The following OR7C1 variants were observed in gnomAD, a reference collection of about 807,000 sequenced individuals.
OR7C1 encodes olfactory receptor 7C1.
For missense variants in OR7C1, 324 were observed against 383.3 expected (o/e 0.85, Z 1.29); for synonymous variants, 152 against 160.7 (o/e 0.95, Z 0.41).
chr19:14,801,654 GA>G (rs2044642370), intron 2 of OR7C1, among the ~76,000 whole-genome samples: 1 of 152,150 alleles, frequency 6.6e-6, no homozygotes, highest in Non-Finnish European at 1.5e-5. Context: ...CTGCTGTAAA[GA>G]ACTACCCGAG....
At position 14,828,156 on chromosome 19, in the gene OR7C1, C is replaced by T. The variant is rs749898869; in HGVS notation, c.-623+6918G>A. The T allele has an allele frequency of 3.1e-6, 5 of 1,613,772 alleles. No homozygotes were observed. In the Admixed American group the frequency reaches 8.3e-5, roughly 27 times the overall value. ...GACCAGGTACATGGACAGGAACAGCCCAAAGAGGAAGGGTTGCAGTCCAGG... is the reference window on the plus strand; with the variant it reads ...GACCAGGTACATGGACAGGAACAGCTCAAAGAGGAAGGGTTGCAGTCCAGG... On this transcript the variant is annotated intron_variant, in intron 1 of 4. Coordinates refer to ENST00000641666, the Ensembl canonical transcript of OR7C1.
At chr19:14,825,363 C>T (rs993689685) in intron 1 of OR7C1, 1 of 152,140 alleles carries the variant, frequency 6.6e-6, no homozygotes, top group Non-Finnish European at 1.5e-5. Context: ...TAAGCCTAGA[C>T]ATCTAATGTA....
chr19:14,833,295 A>G (rs1178882666), intron 1 of OR7C1, among the ~76,000 whole-genome samples: 11 of 152,238 alleles, frequency 7.2e-5, no homozygotes, highest in Admixed American at 7.2e-4. Flanking sequence ...CCTGGGCAAT[A>G]TGGCGAAACG....
chr19:14,806,237 A>G (rs2044666208), intron 2 of OR7C1, among the ~76,000 whole-genome samples: 1 of 151,940 alleles, frequency 6.6e-6, no homozygotes, highest in African/African-American at 2.4e-5. Context: ...ATTAAGGAAC[A>G]TTTCAAGAAT....
In OR7C1 at chr19:14,816,098, TAC is replaced by T. The variant is rs532232995; in HGVS notation, c.-622-6107_-622-6106del. ...ACTTGGCCTCCCAAAATGTTGGGAT[TAC>T]AGACATGAGCCGCCATGTTCTGCTG... is the stretch of plus-strand genomic sequence containing the variant. On this transcript the variant is annotated intron_variant, in intron 1 of 4. Transcript: ENST00000641666. Among the ~76,000 whole-genome samples the T allele has an allele frequency of 3.9e-4, 59 of 152,278 alleles. 3 individuals carry two copies. The South Asian group carries it at 0.012, about 32-fold the overall frequency.
At chr19:14,805,406 A>ATTTTT (rs33957500) in intron 2 of OR7C1, among the ~76,000 whole-genome samples, 11 of 98,058 alleles carry the variant, frequency 1.1e-4, no homozygotes, top group African/African-American at 2.5e-4. Context: ...CAGGAAAATA[A>ATTTTT]TTTTTTTTTT....
chr19:14,805,429 T>TA (rs1332979135), intron 2 of OR7C1, among the ~76,000 whole-genome samples: 1 of 146,774 alleles, frequency 6.8e-6, no homozygotes, highest in Non-Finnish European at 1.5e-5. Context: ...TTTTTTTTTT[T>TA]TTTTTAGACA....
At position 14,827,104 on chromosome 19, in the gene OR7C1, A is replaced by C. The variant is rs146926801; in HGVS notation, c.-623+7970T>G. On this transcript the variant is annotated intron_variant, in intron 1 of 4. Transcript: ENST00000641666. ...AACAACAAAGAGAAAAAACTGTTGG[A>C]TATCAGAGAGCAGAAAGCTTAATAA... 8.9e-4 allele frequency: 473 copies of C among 529,888 alleles called. 6 individuals are homozygous for C. The highest frequency in any genetic ancestry group is 8.7e-3 in the African/African-American group (443 of 50,742). 32.8% of individuals were successfully genotyped at this position (529,888 alleles called of 1,614,324 possible).
intron 1 of OR7C1, among the ~76,000 whole-genome samples, chr19:14,818,062 T>TTTAATTTATTTA (rs1555695177): frequency 7.2e-6 from 1 of 139,460 alleles, no homozygotes; most frequent in African/African-American, 2.7e-5. Flanking sequence ...ATTTTATTTA[T>TTTAATTTATTTA]TTTATTTATT....
chr19:14,816,088 A>C (rs577060237), intron 1 of OR7C1, among the ~76,000 whole-genome samples: 2 of 152,180 alleles, frequency 1.3e-5, no homozygotes, highest in Non-Finnish European at 2.9e-5. Context: ...GCCTCCCAAA[A>C]TGTTGGGATT....
intron 1 of OR7C1, among the ~76,000 whole-genome samples, chr19:14,834,285 A>C (rs1385250397): frequency 2.0e-5 from 3 of 152,154 alleles, no homozygotes; most frequent in Non-Finnish European, 4.4e-5. Context: ...GTCTCAAAGA[A>C]AAAACAAACA....
intron 2 of OR7C1, among the ~76,000 whole-genome samples, chr19:14,804,715 A>G (rs978156658): frequency 3.3e-5 from 5 of 151,948 alleles, no homozygotes; most frequent in African/African-American, 1.2e-4. Flanking sequence ...GGATGAGGAT[A>G]AAGTGCTACT....
At chr19:14,812,737 A>G (rs2044697298) in intron 1 of OR7C1, among the ~76,000 whole-genome samples, 1 of 151,876 alleles carries the variant, frequency 6.6e-6, no homozygotes, top group African/African-American at 2.4e-5. Flanking sequence ...AATTAGAGGG[A>G]ACACTTCCTA....
At chr19:14,818,578 T>C (rs2044727373) in intron 1 of OR7C1, among the ~76,000 whole-genome samples, 2 of 152,242 alleles carry the variant, frequency 1.3e-5, no homozygotes, top group African/African-American at 4.8e-5. Flanking sequence ...AAACAGTCTT[T>C]GCGAGATCTT....
chr19:14,808,279 C>A (rs2044675341), intron 2 of OR7C1, among the ~76,000 whole-genome samples: 1 of 151,696 alleles, frequency 6.6e-6, no homozygotes, highest in African/African-American at 2.4e-5. Flanking sequence ...GTATATACCC[C>A]AAAGAAAAGA....
intron 1 of OR7C1, among the ~76,000 whole-genome samples, chr19:14,832,487 G>A (rs369883498): frequency 3.0e-4 from 44 of 148,330 alleles, no homozygotes; most frequent in African/African-American, 1.0e-3. Context: ...GTGCAGTGGC[G>A]CGATCTCGGC....
intron 2 of OR7C1, among the ~76,000 whole-genome samples, chr19:14,804,694 G>A (rs1244066390): frequency 6.6e-6 from 1 of 151,856 alleles, no homozygotes; most frequent in Non-Finnish European, 1.5e-5. Context: ...GGACTGGGGA[G>A]CGGGGGTAGG....
rs201863024 is a variant in OR7C1, at chr19:14,827,508, A to C, written c.-623+7566T>G. 1.3e-4 allele frequency: 215 copies of C among 1,614,038 alleles called. No individual in the cohort carries two copies. The Middle Eastern group carries it at 1.6e-3, about 12-fold the overall frequency. On this transcript the variant is annotated intron_variant, in intron 1 of 4. Transcript: ENST00000641666. ...ACCATAAAATAAGGAGACAACTGAG[A>C]GGTGAGATGCACAGGTGGAAAATGC...
At chr19:14,832,056 G>A (rs1319499389) in intron 1 of OR7C1, among the ~76,000 whole-genome samples, 1 of 152,116 alleles carries the variant, frequency 6.6e-6, no homozygotes, top group East Asian at 1.9e-4. Context: ...CGAAAGGCAT[G>A]TGTCACCATA....
Sources: gnomAD v4.1 joint callset for allele counts (sites outside exome capture counted in the v4.1 genomes callset) on GRCh38, gnomAD v4.1.1 for gene constraint, MANE v1.5 for transcripts, NCBI Gene and HGNC (gene_info 2026-07-23, HGNC 2026-07-21) for gene names.